DCDC1: variants seen among roughly 807,000 people sequenced by gnomAD.
The protein encoded by DCDC1 is doublecortin domain containing 1, also known as doublecortin domain-containing protein 1.
In DCDC1, 200 loss-of-function variants were observed where a neutral mutation model predicts 178.3. The ratio of observed to expected loss-of-function variants is 1.12; its 90% CI spans 1.00 to 1.26. The LOEUF (loss-of-function observed/expected upper bound fraction) is 1.26, where lower values mean the gene tolerates loss of function less well. Ranked by LOEUF, DCDC1 falls within the 50% of genes most tolerant of loss-of-function variation. DCDC1 has a pLI of 0.00. For synonymous variants in DCDC1, 690 were observed against 604.8 expected (o/e 1.14, Z -2.07); for missense variants, 1,983 against 1,749.2 (o/e 1.13, Z -2.38).
intron 9 of DCDC1, among the ~76,000 whole-genome samples, chr11:31,215,848 T>G (rs1386907341): frequency 6.6e-6 from 1 of 151,752 alleles, no homozygotes; most frequent in Admixed American, 6.6e-5. Context: ...TTTTTCCTTC[T>G]AAAAAGAAGC....
chr11:31,071,542 C>T (rs949760753), intron 18 of DCDC1, among the ~76,000 whole-genome samples: 3 of 152,100 alleles, frequency 2.0e-5, no homozygotes, highest in Non-Finnish European at 2.9e-5. Flanking sequence ...TTTGTGTAGC[C>T]CCTCCCATAC....
chr11:31,013,255 C>T (rs998596483), intron 20 of DCDC1, among the ~76,000 whole-genome samples: 1 of 151,958 alleles, frequency 6.6e-6, no homozygotes, highest in Non-Finnish European at 1.5e-5. Context: ...ATTGAATAAC[C>T]TTTTCTTTTC....
At chr11:31,270,655 T>C (rs1421011369) in intron 7 of DCDC1, among the ~76,000 whole-genome samples, 1 of 152,194 alleles carries the variant, frequency 6.6e-6, no homozygotes, top group Non-Finnish European at 1.5e-5. Context: ...TGAGAATTTA[T>C]TCTCTCCTAT....
chr11:30,888,161 AGG>A (rs149589262), intron 36 of DCDC1, among the ~76,000 whole-genome samples: 28 of 134,586 alleles, frequency 2.1e-4, no homozygotes, highest in South Asian at 7.0e-4. Context: ...AAAGAAAGAA[AGG>A]GAAAGAAAGA....
At chr11:31,280,709 G>GC in intron 7 of DCDC1, 1 of 573,870 alleles carries the variant, frequency 1.7e-6, no homozygotes, top group East Asian at 4.2e-5. Context: ...TAACAAGTCT[G>GC]CCCTTTCTGC....
intron 3 of DCDC1, among the ~76,000 whole-genome samples, chr11:31,324,415 C>G (rs1415837337): frequency 6.6e-6 from 1 of 151,588 alleles, no homozygotes; most frequent in East Asian, 1.9e-4. Flanking sequence ...TACAACTTTT[C>G]CAGAAGAAAT....
At chr11:31,187,196 T>C (rs1234775104) in intron 9 of DCDC1, among the ~76,000 whole-genome samples, 3 of 152,192 alleles carry the variant, frequency 2.0e-5, no homozygotes, top group Non-Finnish European at 4.4e-5. Flanking sequence ...TGACACATAG[T>C]AGGTACTTAG....
At position 30,922,537 on chromosome 11, in the gene DCDC1, T is replaced by G. The variant is rs1409836654; in HGVS notation, c.3099A>C (p.Lys1033Asn). The G allele has an allele frequency of 1.3e-6, 2 of 1,580,070 alleles. No individual in the cohort carries two copies. The highest frequency in any genetic ancestry group is 2.4e-5 in the East Asian group (1 of 42,470). ...FLRNLESDIA[K>N]IQIFCSTHKI... ...TATGTGTGCTGCAGAAGATTTGAAT[T>G]TTGGCAATGTCTGATTCTAGGTTCC... is the stretch of plus-strand genomic sequence containing the variant. The change falls in exon 24 of 39, where the codon AAA becomes AAC. Residue 1033 changes from lysine (K) to asparagine (N), a missense_variant. Transcript: ENST00000684477.
chr11:30,876,715 T>C (rs1942161245), intron 38 of DCDC1, among the ~76,000 whole-genome samples: 1 of 152,166 alleles, frequency 6.6e-6, no homozygotes, highest in Non-Finnish European at 1.5e-5. Flanking sequence ...ATTATGCCAT[T>C]TTCATAGCAA....
chr11:31,176,819 A>G (rs1968099289), intron 9 of DCDC1, among the ~76,000 whole-genome samples: 3 of 152,206 alleles, frequency 2.0e-5, no homozygotes, highest in African/African-American at 4.8e-5. Flanking sequence ...TAAGAAATGA[A>G]GGGGAAATAA....
chr11:31,128,449 A>G (rs1961958265), intron 10 of DCDC1, among the ~76,000 whole-genome samples: 1 of 151,958 alleles, frequency 6.6e-6, no homozygotes, highest in Non-Finnish European at 1.5e-5. Flanking sequence ...CCATTCTTTG[A>G]CTCTTCACTG....
intron 18 of DCDC1, among the ~76,000 whole-genome samples, chr11:31,070,718 G>A (rs1956507126): frequency 1.3e-5 from 2 of 152,116 alleles, no homozygotes; most frequent in Non-Finnish European, 2.9e-5. Context: ...ACTCTCTGTT[G>A]CTAAACAGAA....
intron 11 of DCDC1, among the ~76,000 whole-genome samples, chr11:31,122,190 G>A (rs1286750791): frequency 1.3e-5 from 2 of 152,114 alleles, no homozygotes; most frequent in Admixed American, 6.6e-5. Flanking sequence ...TGTGTCTTCA[G>A]TTGGAATTAG....
At chr11:30,898,783 A>G (rs886637292) in intron 34 of DCDC1, among the ~76,000 whole-genome samples, 1 of 152,208 alleles carries the variant, frequency 6.6e-6, no homozygotes, top group African/African-American at 2.4e-5. Flanking sequence ...TAGTTCTGCT[A>G]TTTATTGAAG....
intron 20 of DCDC1, among the ~76,000 whole-genome samples, chr11:30,980,382 G>T (rs1950332539): frequency 2.0e-5 from 3 of 152,012 alleles, no homozygotes; most frequent in African/African-American, 4.8e-5. Context: ...AGACTTCTTT[G>T]GCCAAATAGC....
chr11:30,865,463 G>C (rs899660004), intron 38 of DCDC1, 131 bp from the exon 39 acceptor site: 1 of 153,194 alleles, frequency 6.5e-6, no homozygotes, highest in African/African-American at 2.4e-5. Flanking sequence ...AAAATTATCA[G>C]AATAGGTGCA....
intron 20 of DCDC1, among the ~76,000 whole-genome samples, chr11:31,046,256 G>T (rs552771980): frequency 6.6e-6 from 1 of 152,146 alleles, no homozygotes; most frequent in African/African-American, 2.4e-5. Flanking sequence ...TTTCACTGTG[G>T]TTCATACAAG....
chr11:31,194,738 T>C (rs1418634289), intron 9 of DCDC1, among the ~76,000 whole-genome samples: 3 of 152,202 alleles, frequency 2.0e-5, no homozygotes, highest in Middle Eastern at 3.4e-3. Flanking sequence ...GTGATGGACA[T>C]TTTTGCATGT....
At chr11:31,258,671 A>G (rs1195342296) in intron 8 of DCDC1, among the ~76,000 whole-genome samples, 3 of 152,188 alleles carry the variant, frequency 2.0e-5, no homozygotes, top group African/African-American at 4.8e-5. Context: ...CCCTTAGCAC[A>G]TAAGCCTCAG....
Sources: gnomAD v4.1 joint callset for allele counts (sites outside exome capture counted in the v4.1 genomes callset) on GRCh38, gnomAD v4.1.1 for gene constraint, MANE v1.5 for transcripts, NCBI Gene and HGNC (gene_info 2026-07-23, HGNC 2026-07-21) for gene names.